PCDHA2: variants seen among roughly 807,000 people sequenced by gnomAD.
PCDHA2 encodes protocadherin alpha-2.
PCDHA2 carries 58 observed loss-of-function variants against 66.0 expected under a neutral mutation model. The ratio of observed to expected loss-of-function variants is 0.88; its 90% CI spans 0.71 to 1.09. The LOEUF is 1.09. Ranked by LOEUF, PCDHA2 falls within the 50% of genes least tolerant of loss-of-function variation. The pLI, the probability that PCDHA2 is intolerant of heterozygous loss-of-function variation, is 0.00. For synonymous variants in PCDHA2, 634 were observed against 554.0 expected (o/e 1.14, Z -2.03); for missense variants, 1,267 against 1,242.3 (o/e 1.02, Z -0.30).
chr5:141,006,346 G>C (rs2098268580), intron 3 of PCDHA2, among the ~76,000 whole-genome samples: 1 of 151,806 alleles, frequency 6.6e-6, no homozygotes, highest in South Asian at 2.1e-4. Context: ...TGAGTAGCTG[G>C]GACTATAGGC....
chr5:140,868,940 A>C, intron 1 of PCDHA2: 1 of 1,249,404 alleles, frequency 8.0e-7, no homozygotes, highest in South Asian at 1.6e-5. Context: ...GGTTGGTCTG[A>C]ACAGTGAGGC....
intron 3 of PCDHA2, among the ~76,000 whole-genome samples, chr5:141,005,701 CAAAA>C (rs59860837): frequency 2.6e-4 from 2 of 7,790 alleles, no homozygotes; most frequent in African/African-American, 4.7e-4. Flanking sequence ...AACTCCGTCT[CAAAA>C]AAAAAAAAAA....
intron 3 of PCDHA2, among the ~76,000 whole-genome samples, chr5:140,992,722 C>T (rs1455058842): frequency 1.3e-5 from 2 of 152,154 alleles, no homozygotes; most frequent in Non-Finnish European, 2.9e-5. Context: ...ATTCGTAAAT[C>T]CCACCTGCTT....
intron 1 of PCDHA2, chr5:140,877,946 C>A: frequency 7.4e-7 from 1 of 1,349,556 alleles, no homozygotes; most frequent in Non-Finnish European, 9.7e-7. Flanking sequence ...TTTAAACTAT[C>A]GAATGTCTCA....
chr5:140,921,741 A>G (rs1437643098), intron 1 of PCDHA2, among the ~76,000 whole-genome samples: 1 of 152,202 alleles, frequency 6.6e-6, no homozygotes, highest in Non-Finnish European at 1.5e-5. Context: ...AATTATAAGC[A>G]TAACAGGACA....
intron 1 of PCDHA2, chr5:140,824,260 A>G (rs2150133721): frequency 2.3e-6 from 3 of 1,322,828 alleles, no homozygotes; most frequent in South Asian, 2.6e-5. Context: ...TTATTGCACT[A>G]ATTCATGTAT....
chr5:140,941,199 C>CT (rs879983584), intron 1 of PCDHA2, among the ~76,000 whole-genome samples: 21,657 of 115,670 alleles, frequency 0.19, 2,171 homozygotes, highest in East Asian at 0.37. Flanking sequence ...TTTTTTCTTT[C>CT]TTCCTTTCTT....
At chr5:140,863,232 G>C in intron 1 of PCDHA2, 1 of 1,230,740 alleles carries the variant, frequency 8.1e-7, no homozygotes, top group Non-Finnish European at 1.1e-6. Context: ...AGGTCCCATC[G>C]CGGGCTTTGG....
At chr5:140,807,570 A>G (rs1562210104) in intron 1 of PCDHA2, 2 of 1,614,162 alleles carry the variant, frequency 1.2e-6, no homozygotes, top group East Asian at 2.2e-5. Flanking sequence ...GACATTAACG[A>G]TAACCCGCCG....
intron 3 of PCDHA2, among the ~76,000 whole-genome samples, chr5:140,997,372 A>G (rs2097768557): frequency 6.6e-6 from 1 of 152,208 alleles, no homozygotes; most frequent in Non-Finnish European, 1.5e-5. Context: ...CCTAGATGAT[A>G]TAGCATACTA....
chr5:140,876,456 TTCC>T, intron 1 of PCDHA2: 1 of 1,614,050 alleles, frequency 6.2e-7, no homozygotes, highest in Non-Finnish European at 8.5e-7. Flanking sequence ...AAGGGATTCC[TTCC>T]ATGGCAGGTC....
intron 1 of PCDHA2, among the ~76,000 whole-genome samples, chr5:140,959,091 G>A (rs1257984257): frequency 3.3e-5 from 5 of 152,048 alleles, no homozygotes; most frequent in African/African-American, 1.2e-4. Context: ...CTTGGTTTCG[G>A]ACATTCAGCA....
At chr5:140,808,722 C>T in intron 1 of PCDHA2, 2 of 1,612,134 alleles carry the variant, frequency 1.2e-6, no homozygotes, top group Non-Finnish European at 1.7e-6. Context: ...TCGGTGCATG[C>T]GGAGAGCGGC....
rs1036932666 is a variant in PCDHA2, at chr5:140,795,338, A to T, written c.374A>T (p.Asp125Val). 5.0e-6 allele frequency: 8 copies of T among 1,614,078 alleles called. No individual in the cohort carries two copies. Among genetic ancestry groups the T allele is most frequent in the Admixed American group, 1.7e-5 (1 of 59,996 alleles). Reference protein sequence around the residue: ...QVFHVEVEVKDINDNPPIFPM... With the variant: ...QVFHVEVEVKVINDNPPIFPM... ...TTCCATGTGGAAGTGGAGGTGAAGG[A>T]CATTAACGACAACCCGCCAATATTT... The change falls in exon 1 of 4, where the codon GAC (aspartate) becomes GTC (valine). Residue 125 changes from aspartate to valine, a missense_variant. Asp to Val is a radical substitution (Grantham distance 152, BLOSUM62 -3). Transcript: ENST00000526136.
rs1256461262 is a variant in PCDHA2, at chr5:140,982,640, A to T, written c.2536+77A>T. On this transcript the variant is annotated intron_variant, in intron 3 of 3. Transcript: ENST00000526136. ...ATGACCTACTTTTGTAAGATCAGGA[A>T]TGTTGATGGCTCTTTTTCTTTTATA... 3 of 1,544,442 alleles carry T rather than the reference A, an allele frequency of 1.9e-6. No individual in the cohort carries two copies. The African/African-American group carries it at 4.2e-5, about 21-fold the overall frequency.
chr5:140,836,758 G>T, intron 1 of PCDHA2: 2 of 1,572,510 alleles, frequency 1.3e-6, no homozygotes, highest in South Asian at 2.4e-5. Flanking sequence ...AAATAATCTT[G>T]TTTCCAACAA....
chr5:140,835,972 T>G (rs2150249264), intron 1 of PCDHA2: 2 of 1,613,340 alleles, frequency 1.2e-6, no homozygotes, highest in South Asian at 2.2e-5. Context: ...GAGCTGGAGC[T>G]GTTGCAGTTC....
At chr5:140,858,413 A>T (rs150984635) in intron 1 of PCDHA2, 1 of 1,562,352 alleles carries the variant, frequency 6.4e-7, no homozygotes. Flanking sequence ...AGATCAGTCT[A>T]TTGGAGGGGA....
rs1761947383 is a variant in PCDHA2 at position 140,795,344 on chromosome 5, A to G, written c.380A>G (p.Asn127Ser). 1 of 1,614,012 alleles carries G rather than the reference A, an allele frequency of 6.2e-7. No individual in the cohort carries two copies. Among genetic ancestry groups the G allele is most frequent in the South Asian group, 1.1e-5 (1 of 91,068 alleles). The part of the protein sequence containing the change: ...FHVEVEVKDI[N>S]DNPPIFPMTV... ...GTGGAAGTGGAGGTGAAGGACATTA[A>G]CGACAACCCGCCAATATTTCCAATG... is the stretch of plus-strand genomic sequence containing the variant. The change falls in exon 1 of 4, where the codon AAC becomes AGC. Residue 127 changes from asparagine to serine, a missense_variant. By Grantham distance (46) the Asn-to-Ser change is conservative (BLOSUM62 1). Coordinates refer to ENST00000526136, the MANE Select transcript of PCDHA2 (RefSeq NM_018905.3).
Sources: allele counts gnomAD v4.1 joint callset (sites outside exome capture counted in the v4.1 genomes callset), GRCh38; gene constraint gnomAD v4.1.1; transcripts MANE v1.5; gene names NCBI Gene and HGNC (gene_info 2026-07-23, HGNC 2026-07-21).